FN3KRP: variants seen among roughly 807,000 people sequenced by gnomAD.
The protein encoded by FN3KRP is fructosamine 3 kinase related protein.
Under a neutral mutation model 29.8 loss-of-function variants are expected in FN3KRP, and 33 were observed. The observed-to-expected ratio is 1.11, with a 90% CI of 0.84 to 1.48. The LOEUF (loss-of-function observed/expected upper bound fraction) is 1.48, where lower values mean the gene tolerates loss of function less well. FN3KRP is among the 40% of genes most tolerant of loss of function. FN3KRP has a pLI of 0.00. For missense variants in FN3KRP, 430 were observed against 402.6 expected, an observed-to-expected ratio of 1.07 and a Z score of -0.58; for synonymous variants, 157 against 155.2, an observed-to-expected ratio of 1.01 and a Z score of -0.09.
At chr17:82,719,940 G>C (rs530519245) in intron 2 of FN3KRP, among the ~76,000 whole-genome samples, 1 of 152,284 alleles carries the variant, frequency 6.6e-6, no homozygotes, top group African/African-American at 2.4e-5. Context: ...CAAGGTGGGC[G>C]GATGACTTGA....
At chr17:82,719,142 A>G in intron 2 of FN3KRP, 85 bp downstream of exon 2, 1 of 1,259,886 alleles carries the variant, frequency 7.9e-7, no homozygotes, top group Non-Finnish European at 1.1e-6. Context: ...GTGTCTTCAC[A>G]CCACCCACTG....
chr17:82,723,746 G>A (rs1486504824), intron 4 of FN3KRP, among the ~76,000 whole-genome samples: 4 of 151,798 alleles, frequency 2.6e-5, no homozygotes, highest in Admixed American at 1.3e-4. Flanking sequence ...TACTCCAGTC[G>A]TGTGTGTCTG....
At position 82,718,908 on chromosome 17, in the gene FN3KRP, C is replaced by T. The variant is rs749324822; in HGVS notation, c.144C>T (p.Ala48=). 6.8e-6 allele frequency: 11 copies of T among 1,613,316 alleles called. No individual in the cohort carries two copies. The highest frequency in any genetic ancestry group is 3.3e-4 in the Middle Eastern group (2 of 6,082). The change falls in exon 2 of 6, where the codon GCC becomes GCT. Residue 48 remains alanine (A), a splice_region_variant and synonymous_variant. Coordinates refer to ENST00000269373, the MANE Select transcript of FN3KRP (RefSeq NM_024619.4). The part of the protein sequence containing the change: ...VFVKVNPKAE[A]RRMFEGEMAS... The stretch of plus-strand genomic sequence containing the variant: ...TTCCTCTCGTATTTTTCTGACAGGC[C>T]AGAAGAATGTTTGAAGGTGAGATGG...
Position 82,720,352 on chromosome 17 carries a change from C to T in FN3KRP, c.374C>T (p.Ala125Val), listed in dbSNP as rs771589335. 1.3e-5 allele frequency: 21 copies of T among 1,613,064 alleles called. No homozygotes were observed. Among genetic ancestry groups the T allele is most frequent in the Admixed American group, 6.7e-5 (4 of 59,972 alleles). The change falls in exon 3 of 6, where the codon GCG (alanine) becomes GTG (valine). Residue 125 changes from alanine to valine, a missense_variant. By Grantham distance (64) the Ala-to-Val change is moderately conservative (BLOSUM62 0). Transcript: ENST00000269373. ...CTTGGAGAGATGCGCCTGAAGGAGG[C>T]GGGCACAGTGGGTATGGCACTGCGC... Reference protein sequence around the residue: ...KKLGEMRLKEAGTVGRGGGQE... With the variant: ...KKLGEMRLKEVGTVGRGGGQE...
intron 4 of FN3KRP, among the ~76,000 whole-genome samples, chr17:82,723,559 ATGTG>A (rs2046814258): frequency 6.9e-6 from 1 of 144,358 alleles, no homozygotes; most frequent in South Asian, 2.1e-4. Flanking sequence ...CTGTGCGCAT[ATGTG>A]TATGTGTGTG....
At chr17:82,721,521 GAGA>G (rs933223730) in intron 3 of FN3KRP, among the ~76,000 whole-genome samples, 5 of 151,592 alleles carry the variant, frequency 3.3e-5, no homozygotes, top group African/African-American at 1.2e-4. Flanking sequence ...TTATTTTTTT[GAGA>G]AGGAGTCTTG....
chr17:82,726,783 C>T (rs761627201), intron 5 of FN3KRP, 50 bp from the exon 6 acceptor site: 44 of 1,508,332 alleles, frequency 2.9e-5, no homozygotes, highest in Non-Finnish European at 3.6e-5. Context: ...AGCGGCGCCC[C>T]TCATGCACGC....
rs758937034 is a variant in FN3KRP at position 82,727,192 on chromosome 17, A to C, written c.*21A>C. 9.1e-5 allele frequency: 146 copies of C among 1,599,860 alleles called. No individual in the cohort carries two copies. The highest frequency in any genetic ancestry group is 1.2e-4 in the Non-Finnish European group (140 of 1,171,086). ...AGTGAGCGGGCCTTACTCTGGAAGG[A>C]GGCCTCAGAGGTTTCTCCACAGTCC... On this transcript the variant is annotated 3_prime_UTR_variant, in exon 6 of 6. Coordinates refer to ENST00000269373, the MANE Select transcript of FN3KRP (RefSeq NM_024619.4).
rs1234726012 is a variant in FN3KRP, at chr17:82,727,404, T to C, written c.*233T>C. On this transcript the variant is annotated 3_prime_UTR_variant, in exon 6 of 6. Transcript: ENST00000269373. ...TACAGGCAGGGTATGAGCAGAGGGATGTATGGAGTGTGGGTGACTCTGAGC... is the reference window on the plus strand; with the variant it reads ...TACAGGCAGGGTATGAGCAGAGGGACGTATGGAGTGTGGGTGACTCTGAGC... 1.1e-5 allele frequency: 5 copies of C among 454,886 alleles called. No individual in the cohort carries two copies. The Admixed American group carries it at 1.4e-4, about 13-fold the overall frequency. The allele number at this position is 454,886 out of a possible 1,614,324, so 28.2% of individuals were successfully genotyped here.
chr17:82,716,750 G>C lies in FN3KRP; in HGVS notation c.-6G>C, dbSNP rs201869559. 1.3e-6 allele frequency: 2 copies of C among 1,491,810 alleles called. No homozygotes were observed. The highest frequency in any genetic ancestry group is 1.5e-5 in the African/African-American group (1 of 68,010). 92.4% of individuals were successfully genotyped at this position (1,491,810 alleles called of 1,614,324 possible). ...TCCGGGGCGGGTCCGCGGCCGCGGC[G>C]GGAACATGGAGGAGCTCCTGAGGCG... is the stretch of plus-strand genomic sequence containing the variant. On this transcript the variant is annotated 5_prime_UTR_variant, in exon 1 of 6. Transcript: ENST00000269373.
At position 82,727,548 on chromosome 17, in the gene FN3KRP, C is replaced by T. The variant is rs748900999; in HGVS notation, c.*377C>T. On this transcript the variant is annotated 3_prime_UTR_variant, in exon 6 of 6. Transcript: ENST00000269373. ...GGCACTGCTGCTCATAGGTACCTTT[C>T]CACTGCCTCCTCCCTGCTCTCCTGT... The T allele has an allele frequency of 2.5e-5, 5 of 198,898 alleles. No homozygotes were observed. The highest frequency in any genetic ancestry group is 5.2e-5 in the Non-Finnish European group (5 of 96,888). The allele number at this position is 198,898 out of a possible 1,614,324, so 12.3% of individuals were successfully genotyped here. A position where few individuals can be genotyped will look rare whatever the true frequency, so the allele number is the denominator to read the frequency against.
chr17:82,723,652 T>C (rs1171897187), intron 4 of FN3KRP, among the ~76,000 whole-genome samples: 1 of 152,022 alleles, frequency 6.6e-6, no homozygotes, highest in Non-Finnish European at 1.5e-5. Context: ...TGTGCATGTG[T>C]GTACGCGTGT....
In FN3KRP at chr17:82,716,814, CG is replaced by C. The variant is rs753495515; in HGVS notation, c.65del (p.Gly22AlafsTer19). On this transcript the variant is annotated frameshift_variant, in exon 1 of 6. Transcript: ENST00000269373. LOFTEE classifies it high-confidence loss of function. ...GCSSVRATGH[S>X]GGGCISQGRS... is the part of the protein sequence containing the mutation. ...AGCTCTGTCAGGGCCACGGGCCACT[CG>C]GGGGGCGGGTGCATCAGCCAGGGCC... is the stretch of plus-strand genomic sequence containing the variant. 12 of 1,553,096 alleles carry C rather than the reference CG, an allele frequency of 7.7e-6. No homozygotes were observed. In the South Asian group the frequency reaches 1.3e-4, roughly 17 times the overall value.
Position 82,726,826 on chromosome 17 carries a change from C to A in FN3KRP, c.592-7C>A. 1 of 1,525,762 alleles carries A rather than the reference C, an allele frequency of 6.6e-7. No homozygotes were observed. The highest frequency in any genetic ancestry group is 1.3e-5 in the South Asian group (1 of 75,838). 94.5% of individuals were successfully genotyped at this position (1,525,762 alleles called of 1,614,324 possible). A position where few individuals can be genotyped will look rare whatever the true frequency, so the allele number is the denominator to read the frequency against. On this transcript the variant is annotated splice_region_variant and splice_polypyrimidine_tract_variant and intron_variant, in intron 5 of 5. Coordinates refer to ENST00000269373, the MANE Select transcript of FN3KRP (RefSeq NM_024619.4). ...AATTTGCTGAGGCTCCATTTTCCTC[C>A]CTGCAGTTAAAGATCCCTGACCTGT...
chr17:82,721,096 CT>C (rs949575818), intron 3 of FN3KRP: 2 of 151,980 alleles, frequency 1.3e-5, no homozygotes, highest in Non-Finnish European at 2.9e-5. Flanking sequence ...TTCTTTCTTT[CT>C]TTTTTTTGAG....
Position 82,716,775 on chromosome 17 carries a change from G to T in FN3KRP, c.20G>T (p.Arg7Leu), listed in dbSNP as rs755643968. 2 of 1,529,548 alleles carry T rather than the reference G, an allele frequency of 1.3e-6. No individual in the cohort carries two copies. The highest frequency in any genetic ancestry group is 8.7e-7 in the Non-Finnish European group (1 of 1,146,456). The allele number at this position is 1,529,548 out of a possible 1,614,324, so 94.7% of individuals were successfully genotyped here. ...GGGAACATGGAGGAGCTCCTGAGGC[G>T]CGAGCTGGGCTGCAGCTCTGTCAGG... is the stretch of plus-strand genomic sequence containing the variant. MEELLR[R>L]ELGCSSVRAT... Residue 7 changes from arginine (R) to leucine (L), a missense_variant, in exon 1 of 6, where the codon CGC becomes CTC. Coordinates refer to ENST00000269373, the MANE Select transcript of FN3KRP (RefSeq NM_024619.4).
At chr17:82,722,976 G>T (rs887047688) in intron 4 of FN3KRP, 90 bp downstream of exon 4, 1 of 1,178,070 alleles carries the variant, frequency 8.5e-7, no homozygotes, top group Non-Finnish European at 1.2e-6. Context: ...CTTTTTTTGT[G>T]AGCTTCAGTA....
Position 82,716,713 on chromosome 17 carries a change from G to A in FN3KRP, c.-43G>A. On this transcript the variant is annotated 5_prime_UTR_variant, in exon 1 of 6. Coordinates refer to ENST00000269373, the MANE Select transcript of FN3KRP (RefSeq NM_024619.4). ...TGCCCGCTCGGCCGCCGTCTCTCGAGTCTCCGCCAGATCCGGGGCGGGTCC... is the reference window on the plus strand; with the variant it reads ...TGCCCGCTCGGCCGCCGTCTCTCGAATCTCCGCCAGATCCGGGGCGGGTCC... 1 of 1,451,432 alleles carries A rather than the reference G, an allele frequency of 6.9e-7. No individual in the cohort carries two copies. Among genetic ancestry groups the A allele is most frequent in the Non-Finnish European group, 9.0e-7 (1 of 1,108,528 alleles). 89.9% of individuals were successfully genotyped at this position (1,451,432 alleles called of 1,614,324 possible). A position where few individuals can be genotyped will look rare whatever the true frequency, so the allele number is the denominator to read the frequency against.
At position 82,717,740 on chromosome 17, in the gene FN3KRP, C is replaced by T. The variant is rs552369931; in HGVS notation, c.141+844C>T. ...CCGTCTCAAAAAAAAAAGAGTGTTCCTAGCAGCGGTGACATGGCAGCTGTG... is the reference window on the plus strand; with the variant it reads ...CCGTCTCAAAAAAAAAAGAGTGTTCTTAGCAGCGGTGACATGGCAGCTGTG... On this transcript the variant is annotated intron_variant, in intron 1 of 5. Transcript: ENST00000269373. Among the ~76,000 whole-genome samples the T allele has an allele frequency of 3.3e-5, 5 of 152,258 alleles. No individual in the cohort carries two copies. In the East Asian group the frequency reaches 9.6e-4, roughly 29 times the overall value.
Sources: allele counts gnomAD v4.1 joint callset (sites outside exome capture counted in the v4.1 genomes callset), GRCh38; gene constraint gnomAD v4.1.1; transcripts MANE v1.5; gene names NCBI Gene and HGNC (gene_info 2026-07-23, HGNC 2026-07-21).